The following ZNF844 variants were observed in gnomAD, a reference collection of about 807,000 sequenced individuals.
The protein encoded by ZNF844 is zinc finger protein 844.
In ZNF844, 11 loss-of-function variants were observed where a neutral mutation model predicts 11.4. That is an observed-to-expected ratio of 0.97 (90% CI 0.61 to 1.60). The LOEUF (loss-of-function observed/expected upper bound fraction) is 1.60. Ranked by LOEUF, ZNF844 falls within the 40% of genes most tolerant of loss-of-function variation. ZNF844 has a pLI of 0.00. For missense variants in ZNF844, 790 were observed against 796.8 expected (o/e 0.99, Z 0.10); for synonymous variants, 248 against 260.3 (o/e 0.95, Z 0.46).
Position 12,076,669 on chromosome 19 carries a change from C to T in ZNF844, c.1549C>T (p.His517Tyr), listed in dbSNP as rs576754045. 1.2e-6 allele frequency: 2 copies of T among 1,613,678 alleles called. No homozygotes were observed. Among genetic ancestry groups the T allele is most frequent in the Non-Finnish European group, 1.7e-6 (2 of 1,179,920 alleles). ...TGTGGGAAAGCCTTCACATCTGCCT[C>T]ACACCTTCAAATGCATGAAAGGACT... ...SNVGKPSHLPHTFKCMKGLTL... is the reference protein window; with the variant it reads ...SNVGKPSHLPYTFKCMKGLTL... Residue 517 changes from histidine to tyrosine, a missense_variant, in exon 4 of 4, where the codon CAC becomes TAC. Around this residue, in one of 3 missense-constraint regions of ZNF844, gnomAD observed 657 missense variants for 636.2 expected, o/e 1.03. Transcript: ENST00000439326.
Position 12,077,190 on chromosome 19 carries a change from A to G in ZNF844, c.*69A>G, listed in dbSNP as rs61732937. ...TGGTTCCTTTCAGTGTCATAAAAGG[A>G]TTCACACTGGAGAGAAACCCTATGA... is the stretch of plus-strand genomic sequence containing the variant. On this transcript the variant is annotated 3_prime_UTR_variant, in exon 4 of 4. Transcript: ENST00000439326. 17 of 1,603,286 alleles carry G rather than the reference A, an allele frequency of 1.1e-5. No individual in the cohort carries two copies. The Admixed American group carries it at 1.7e-4, about 16-fold the overall frequency.
rs1382991156 is a variant in ZNF844 at position 12,081,434 on chromosome 19, T to G, written c.*4313T>G. The stretch of plus-strand genomic sequence containing the variant: ...TTATATTTGATTAAAAACAATAATT[T>G]TTTTGGCAACCAAGATTTCTGTACA... On this transcript the variant is annotated 3_prime_UTR_variant, in exon 4 of 4. Transcript: ENST00000439326. The G allele has an allele frequency of 6.6e-6, 1 of 152,222 alleles. No homozygotes were observed. The highest frequency in any genetic ancestry group is 1.5e-5 in the Non-Finnish European group (1 of 68,030). 9.4% of individuals were successfully genotyped at this position (152,222 alleles called of 1,614,324 possible).
At position 12,067,916 on chromosome 19, in the gene ZNF844, AAAAGAAAG is replaced by A. The variant is rs199620118; in HGVS notation, c.3+3063_3+3070del. ...CACAGAGCGAGACTCTGTCTCAAAAAAAAGAAAGAAAGAAAGAAAGAAAGAAAGAAGGA... is the reference window on the plus strand; with the variant it reads ...CACAGAGCGAGACTCTGTCTCAAAAAAAAGAAAGAAAGAAAGAAAGAAGGA... On this transcript the variant is annotated intron_variant, in intron 1 of 3. Transcript: ENST00000439326. 1.3e-4 allele frequency among the ~76,000 whole-genome samples: 11 copies of A among 83,990 alleles called. 1 individual carries two copies. Among genetic ancestry groups the A allele is most frequent in the East Asian group, 7.8e-4 (2 of 2,554 alleles). The allele number at this position is 83,990 out of a possible 152,430, so 55.1% of individuals were successfully genotyped here.
Position 12,077,128 on chromosome 19 carries a change from A to G in ZNF844, c.*7A>G. On this transcript the variant is annotated 3_prime_UTR_variant, in exon 4 of 4. Coordinates refer to ENST00000439326, the MANE Select transcript of ZNF844 (RefSeq NM_001136501.3). ...AGGGCTCACACTGGAGTGAAACCGT[A>G]TGAATGCAAGGAATGTGGCAAAGCC... The G allele has an allele frequency of 5.6e-6, 9 of 1,600,302 alleles. No homozygotes were observed. Among genetic ancestry groups the G allele is most frequent in the Non-Finnish European group, 7.7e-6 (9 of 1,173,218 alleles).
chr19:12,072,950 T>G (rs1442225699), intron 1 of ZNF844, among the ~76,000 whole-genome samples: 2 of 152,208 alleles, frequency 1.3e-5, no homozygotes, highest in East Asian at 3.8e-4. Flanking sequence ...TTGAGACTTT[T>G]CCAGATATAT....
chr19:12,070,273 A>T (rs1975741402), intron 1 of ZNF844: 1 of 152,148 alleles, frequency 6.6e-6, no homozygotes, highest in Admixed American at 6.6e-5. Flanking sequence ...TTTTATGCTT[A>T]AAAACAAAAA....
chr19:12,073,908 T>A lies in ZNF844; in HGVS notation c.4-123T>A. The A allele has an allele frequency of 2.3e-6, 3 of 1,320,676 alleles. No homozygotes were observed. In the East Asian group the frequency reaches 7.9e-5, roughly 35 times the overall value. The allele number at this position is 1,320,676 out of a possible 1,614,324, so 81.8% of individuals were successfully genotyped here. The stretch of plus-strand genomic sequence containing the variant: ...TGTAGACAGAGAGTAATGGGTCAGA[T>A]GACCAAGAAATAGAATAAATGTTTG... On this transcript the variant is annotated intron_variant, in intron 1 of 3. Coordinates refer to ENST00000439326, the MANE Select transcript of ZNF844 (RefSeq NM_001136501.3).
In ZNF844 at chr19:12,076,972, A is replaced by C. The variant is rs1568361580; in HGVS notation, c.1852A>C (p.Asn618His). ...GGAGAGAAACCCTATGAATGTAAGG[A>C]ATGCGGAAAAGCGTTCAATTATTTT... is the stretch of plus-strand genomic sequence containing the variant. The part of the protein sequence containing the change: ...TLERNPMNVR[N>H]AEKRSIIFLL... The change falls in exon 4 of 4, where the codon AAT (asparagine) becomes CAT (histidine). Residue 618 changes from asparagine (N) to histidine (H), a missense_variant. This residue lies in a region of ZNF844 where 657 missense variants were observed against 636.2 expected (regional missense o/e 1.03). Coordinates refer to ENST00000439326, the MANE Select transcript of ZNF844 (RefSeq NM_001136501.3). 3 of 1,602,640 alleles carry C rather than the reference A, an allele frequency of 1.9e-6. No homozygotes were observed. The highest frequency in any genetic ancestry group is 2.6e-6 in the Non-Finnish European group (3 of 1,174,284).
chr19:12,071,773 C>T (rs1156478679), intron 1 of ZNF844, among the ~76,000 whole-genome samples: 1 of 150,098 alleles, frequency 6.7e-6, no homozygotes, highest in Non-Finnish European at 1.5e-5. Context: ...AGGAATTTTA[C>T]ATGTACTGTT....
At chr19:12,066,530 C>CTTTT (rs80186949) in intron 1 of ZNF844, among the ~76,000 whole-genome samples, 1,636 of 92,402 alleles carry the variant, frequency 0.018, 1 homozygote, top group African/African-American at 0.026. Context: ...TAAATGTCTT[C>CTTTT]TTTTTTTTTT....
Position 12,064,805 on chromosome 19 carries a change from C to T in ZNF844, c.-69C>T. 6.5e-7 allele frequency: 1 copy of T among 1,534,542 alleles called. No homozygotes were observed. The highest frequency in any genetic ancestry group is 8.8e-7 in the Non-Finnish European group (1 of 1,136,252). ...TCTGAGAGGGACCGGTTGCCACCGC[C>T]ATACTTCTGTCGCCCTGTCGTCTGT... On this transcript the variant is annotated 5_prime_UTR_variant, in exon 1 of 4. Coordinates refer to ENST00000439326, the MANE Select transcript of ZNF844 (RefSeq NM_001136501.3).
chr19:12,066,421 T>A (rs1975688576), intron 1 of ZNF844, among the ~76,000 whole-genome samples: 1 of 151,736 alleles, frequency 6.6e-6, no homozygotes, highest in Non-Finnish European at 1.5e-5. Flanking sequence ...AGGCTCCTCA[T>A]CGCTCCCCAC....
Position 12,075,384 on chromosome 19 carries a change from A to C in ZNF844, c.264A>C (p.Pro88=). Residue 88 remains proline, a synonymous_variant, in exon 4 of 4, where the codon CCA becomes CCC. Transcript: ENST00000439326. ...NHCGETSSQI[P]DDTLNKKTSP... is the part of the protein sequence containing the mutation. ...GTGGAGAAACTTCTAGCCAGATTCC[A>C]GATGACACACTGAACAAAAAAACTT... 6.3e-7 allele frequency: 1 copy of C among 1,583,234 alleles called. No homozygotes were observed. Among genetic ancestry groups the C allele is most frequent in the Non-Finnish European group, 8.6e-7 (1 of 1,166,056 alleles).
chr19:12,069,683 G>A (rs552414070), intron 1 of ZNF844, among the ~76,000 whole-genome samples: 18 of 151,330 alleles, frequency 1.2e-4, no homozygotes, highest in African/African-American at 4.4e-4. Context: ...GGCCAGGTGC[G>A]GTGGCTCACA....
chr19:12,074,334 G>T (rs1317567161), intron 2 of ZNF844, 27 bp from the exon 3 acceptor site: 2 of 1,503,520 alleles, frequency 1.3e-6, no homozygotes, highest in Non-Finnish European at 1.8e-6. Flanking sequence ...TTTAATTCAG[G>T]ATTCTTTTTC....
chr19:12,068,555 C>T (rs1975718156), intron 1 of ZNF844, among the ~76,000 whole-genome samples: 1 of 152,098 alleles, frequency 6.6e-6, no homozygotes, highest in Non-Finnish European at 1.5e-5. Context: ...TTGCTTGAAA[C>T]CAGAAGGCGG....
chr19:12,070,061 C>G (rs888795438), intron 1 of ZNF844: 2 of 148,496 alleles, frequency 1.3e-5, no homozygotes, highest in African/African-American at 5.0e-5. Flanking sequence ...AGTTCGAGAC[C>G]TGCCTGGGCA....
At chr19:12,067,959 A>AAAGGAAGGAAGGAAG (rs759619146) in intron 1 of ZNF844, among the ~76,000 whole-genome samples, 1 of 68,100 alleles carries the variant, frequency 1.5e-5, no homozygotes, top group South Asian at 4.4e-4. Context: ...AAAGAAGGAA[A>AAAGGAAGGAAGGAAG]GAAGGAAGGA....
At position 12,080,427 on chromosome 19, in the gene ZNF844, C is replaced by T; in HGVS notation, c.*3306C>T. ...AGTTGGAGGATGTCATAATACAATT[C>T]ACCAGTGTCCTATCTTACATGCAAT... On this transcript the variant is annotated 3_prime_UTR_variant, in exon 4 of 4. Coordinates refer to ENST00000439326, the MANE Select transcript of ZNF844 (RefSeq NM_001136501.3). 1 of 352,120 alleles carries T rather than the reference C, an allele frequency of 2.8e-6. No individual in the cohort carries two copies. 21.8% of individuals were successfully genotyped at this position (352,120 alleles called of 1,614,324 possible). A position where few individuals can be genotyped will look rare whatever the true frequency, so the allele number is the denominator to read the frequency against.
Sources: gnomAD v4.1 joint callset for allele counts (sites outside exome capture counted in the v4.1 genomes callset) on GRCh38, gnomAD v4.1.1 for gene constraint, gnomAD v4.1.1 regional missense constraint, MANE v1.5 for transcripts, NCBI Gene and HGNC (gene_info 2026-07-23, HGNC 2026-07-21) for gene names.